The following APLF variants were observed in gnomAD, a reference collection of about 807,000 sequenced individuals.
The protein encoded by APLF is aprataxin and PNK-like factor.
APLF carries 61 observed loss-of-function variants against 55.6 expected under a neutral mutation model. The observed-to-expected ratio is 1.10, with a 90% CI of 0.89 to 1.36. The LOEUF (loss-of-function observed/expected upper bound fraction) is 1.36. Among genes scored for constraint, APLF ranks in the 40% most tolerant of loss-of-function variants. The pLI, the probability that APLF is intolerant of heterozygous loss-of-function variation, is 0.00. For missense variants in APLF, 611 were observed against 602.5 expected, an observed-to-expected ratio of 1.01 and a Z score of -0.15; for synonymous variants, 207 against 214.8, an observed-to-expected ratio of 0.96 and a Z score of 0.32.
chr2:68,542,613 C>T (rs945387410), intron 7 of APLF, among the ~76,000 whole-genome samples: 13 of 152,104 alleles, frequency 8.5e-5, no homozygotes. Flanking sequence ...TCACCTCACA[C>T]CTATTAGGGT....
chr2:68,488,182 A>C (rs1358051532), intron 1 of APLF, among the ~76,000 whole-genome samples: 1 of 152,122 alleles, frequency 6.6e-6, no homozygotes, highest in Non-Finnish European at 1.5e-5. Context: ...TGGTTAGAAA[A>C]TTGGTTCGTA....
At chr2:68,487,909 C>T (rs991114382) in intron 1 of APLF, among the ~76,000 whole-genome samples, 17 of 152,028 alleles carry the variant, frequency 1.1e-4, no homozygotes, top group African/African-American at 4.1e-4. Context: ...TCTATAAAGA[C>T]ACATAGCTTG....
rs1671664638 is a variant in APLF at position 68,577,940 on chromosome 2, G to A, written c.1454G>A (p.Trp485Ter). The change falls in exon 10 of 10, where the codon TGG becomes TAG. Residue 485 changes from tryptophan (W) to a stop codon, truncating the protein, a stop_gained. Coordinates refer to ENST00000303795, the MANE Select transcript of APLF (RefSeq NM_173545.3). LOFTEE classifies it high-confidence loss of function. ...DYEPTDEDSD[W>*]EPGKEDEEKE... ...GAGCCAACAGATGAAGATTCTGACT[G>A]GGAACCAGGAAAGGAAGATGAAGAG... 4.3e-6 allele frequency: 7 copies of A among 1,613,584 alleles called. No individual in the cohort carries two copies. The highest frequency in any genetic ancestry group is 1.3e-5 in the African/African-American group (1 of 74,984).
intron 3 of APLF, among the ~76,000 whole-genome samples, chr2:68,510,241 A>C (rs1404206670): frequency 1.3e-5 from 2 of 151,934 alleles, no homozygotes; most frequent in Non-Finnish European, 2.9e-5. Context: ...TATACAAAAA[A>C]AGAAAGTGAA....
intron 1 of APLF, among the ~76,000 whole-genome samples, chr2:68,478,283 C>T (rs1046785173): frequency 3.3e-5 from 5 of 151,920 alleles, no homozygotes; most frequent in Admixed American, 6.6e-5. Flanking sequence ...AGCATATGGA[C>T]GATTGTAAAA....
intron 5 of APLF, among the ~76,000 whole-genome samples, chr2:68,522,964 G>A (rs1669936511): frequency 6.6e-6 from 1 of 151,820 alleles, no homozygotes. Context: ...AGGGAACCTG[G>A]AATCCTAAGG....
chr2:68,481,188 G>A (rs899214588), intron 1 of APLF, among the ~76,000 whole-genome samples: 4 of 152,060 alleles, frequency 2.6e-5, no homozygotes, highest in Admixed American at 2.6e-4. Context: ...GAGAAGAATT[G>A]GTATTAGTCT....
intron 8 of APLF, among the ~76,000 whole-genome samples, chr2:68,559,070 G>C (rs1412250687): frequency 6.6e-6 from 1 of 152,162 alleles, no homozygotes; most frequent in Non-Finnish European, 1.5e-5. Flanking sequence ...TAAATTAGCA[G>C]ACTTAGGTTC....
At chr2:68,487,972 C>G (rs917614203) in intron 1 of APLF, among the ~76,000 whole-genome samples, 1 of 152,018 alleles carries the variant, frequency 6.6e-6, no homozygotes, top group Non-Finnish European at 1.5e-5. Flanking sequence ...TCACATTATA[C>G]TTTTATATTA....
intron 8 of APLF, among the ~76,000 whole-genome samples, chr2:68,550,170 C>T (rs1268687047): frequency 6.6e-6 from 1 of 151,998 alleles, no homozygotes; most frequent in African/African-American, 2.4e-5. Context: ...CATATAGTTG[C>T]TTCATTGGTT....
chr2:68,534,044 C>T (rs549175924), intron 6 of APLF, among the ~76,000 whole-genome samples: 5 of 152,192 alleles, frequency 3.3e-5, no homozygotes, highest in African/African-American at 1.2e-4. Flanking sequence ...AGGGCAGTGA[C>T]TTTAAGGATG....
intron 3 of APLF, among the ~76,000 whole-genome samples, chr2:68,503,954 T>A (rs183552042): frequency 2.0e-5 from 3 of 152,066 alleles, no homozygotes; most frequent in Admixed American, 1.3e-4. Flanking sequence ...TAAGGCTTAC[T>A]GAGAAAAAAG....
At chr2:68,496,931 C>T (rs1676567337) in intron 2 of APLF, among the ~76,000 whole-genome samples, 1 of 152,222 alleles carries the variant, frequency 6.6e-6, no homozygotes, top group East Asian at 1.9e-4. Context: ...CTGTCTTCTT[C>T]TCAGCCTTCC....
chr2:68,526,786 C>T (rs1382135192), intron 6 of APLF, among the ~76,000 whole-genome samples: 1 of 152,172 alleles, frequency 6.6e-6, no homozygotes, highest in Non-Finnish European at 1.5e-5. Context: ...CTCCTGGGTT[C>T]AAGCCATTTT....
intron 2 of APLF, among the ~76,000 whole-genome samples, chr2:68,492,203 G>A (rs1206609589): frequency 6.6e-6 from 1 of 152,082 alleles, no homozygotes; most frequent in African/African-American, 2.4e-5. Flanking sequence ...ATAAGGCTGG[G>A]CGCGGTGGCT....
chr2:68,546,630 A>G (rs1670715861), intron 8 of APLF, among the ~76,000 whole-genome samples: 1 of 151,904 alleles, frequency 6.6e-6, no homozygotes, highest in Non-Finnish European at 1.5e-5. Flanking sequence ...TTCATTTACC[A>G]TGTCATCAGA....
chr2:68,534,052 A>T (rs1430901076), intron 6 of APLF, among the ~76,000 whole-genome samples: 1 of 152,232 alleles, frequency 6.6e-6, no homozygotes, highest in Non-Finnish European at 1.5e-5. Flanking sequence ...GACTTTAAGG[A>T]TGGTAAGAAG....
chr2:68,573,794 T>C (rs965721140), intron 9 of APLF, among the ~76,000 whole-genome samples: 4 of 152,212 alleles, frequency 2.6e-5, no homozygotes, highest in Non-Finnish European at 4.4e-5. Flanking sequence ...TCTCTTAAAC[T>C]GTGCTATTTT....
At chr2:68,488,801 G>A (rs967340734) in intron 1 of APLF, among the ~76,000 whole-genome samples, 3 of 152,086 alleles carry the variant, frequency 2.0e-5, no homozygotes, top group Non-Finnish European at 4.4e-5. Context: ...CTGTGCAAAT[G>A]ATGCAATGAG....
Sources: gnomAD v4.1 joint callset for allele counts (sites outside exome capture counted in the v4.1 genomes callset) on GRCh38, gnomAD v4.1.1 for gene constraint, MANE v1.5 for transcripts, NCBI Gene and HGNC (gene_info 2026-07-23, HGNC 2026-07-21) for gene names.